ZBTB20: variants seen among roughly 807,000 people sequenced by gnomAD.
The protein encoded by ZBTB20 is zinc finger and BTB domain containing 20.
In ZBTB20, 9 loss-of-function variants were observed where a neutral mutation model predicts 56.9. The observed-to-expected ratio is 0.16, with a 90% CI of 0.10 to 0.28. ZBTB20 has a LOEUF of 0.28. Among genes scored for constraint, ZBTB20 ranks in the 10% least tolerant of loss-of-function variants. The pLI is 1.00. For missense variants in ZBTB20, 655 were observed against 1,003.0 expected (o/e 0.65, Z 4.69); for synonymous variants, 417 against 420.7 (o/e 0.99, Z 0.11).
At chr3:115,003,890 A>G (rs888225455) in intron 2 of ZBTB20, among the ~76,000 whole-genome samples, 4 of 151,706 alleles carry the variant, frequency 2.6e-5, no homozygotes. Flanking sequence ...ATGGATTTTT[A>G]AAAACTCCAA....
rs948048439 is a variant in ZBTB20, at chr3:114,322,297, T to G, written c.*16708A>C. 2.6e-5 allele frequency: 4 copies of G among 152,216 alleles called. No homozygotes were observed. Among genetic ancestry groups the G allele is most frequent in the Admixed American group, 2.6e-4 (4 of 15,284 alleles). The allele number at this position is 152,216 out of a possible 1,614,324, so 9.4% of individuals were successfully genotyped here. A position where few individuals can be genotyped will look rare whatever the true frequency, so the allele number is the denominator to read the frequency against. Reference sequence around the variant, plus strand: ...AAGTAGTGTTGTTTATTTTTTTCTATTTTTTAAACCTCTGATCAAATCCAA... The same window carrying G: ...AAGTAGTGTTGTTTATTTTTTTCTAGTTTTTAAACCTCTGATCAAATCCAA... On this transcript the variant is annotated 3_prime_UTR_variant, in exon 12 of 12. Transcript: ENST00000675478.
At chr3:114,637,734 A>T (rs1560070343) in intron 6 of ZBTB20, among the ~76,000 whole-genome samples, 1 of 152,114 alleles carries the variant, frequency 6.6e-6, no homozygotes, top group Non-Finnish European at 1.5e-5. Flanking sequence ...TCCTATCTTC[A>T]AAGAATAAAG....
chr3:114,856,455 G>C (rs1020344449), intron 4 of ZBTB20, among the ~76,000 whole-genome samples: 1 of 151,950 alleles, frequency 6.6e-6, no homozygotes, highest in Non-Finnish European at 1.5e-5. Context: ...TCTTGTTTAG[G>C]GGTACAACAG....
intron 1 of ZBTB20, among the ~76,000 whole-genome samples, chr3:115,082,552 T>G (rs962061897): frequency 6.6e-6 from 1 of 152,030 alleles, no homozygotes; most frequent in Admixed American, 6.6e-5. Flanking sequence ...AGTAAACATA[T>G]GGACAAACGG....
intron 5 of ZBTB20, among the ~76,000 whole-genome samples, chr3:114,727,315 C>A (rs1038809864): frequency 6.6e-6 from 1 of 152,190 alleles, no homozygotes; most frequent in Admixed American, 6.5e-5. Flanking sequence ...TTCCAAAAAG[C>A]CTCTGTCAGT....
At chr3:115,119,938 G>A (rs1043941602) in intron 1 of ZBTB20, among the ~76,000 whole-genome samples, 21 of 151,904 alleles carry the variant, frequency 1.4e-4, no homozygotes, top group Admixed American at 1.1e-3. Context: ...GCTACATACT[G>A]TATGATTACA....
intron 1 of ZBTB20, among the ~76,000 whole-genome samples, chr3:115,132,786 C>A (rs4682170): frequency 0.34 from 51,242 of 150,240 alleles, 11,371 homozygotes; most frequent in African/African-American, 0.62. Context: ...CAAAAAAAAA[C>A]CCCCAAAATT....
At chr3:115,047,419 T>C (rs2081373190) in intron 2 of ZBTB20, among the ~76,000 whole-genome samples, 1 of 152,228 alleles carries the variant, frequency 6.6e-6, no homozygotes. Context: ...AAGCTGATTG[T>C]ACGAAATCCT....
rs79817212 is a variant in ZBTB20 at position 115,113,725 on chromosome 3, C to A, written c.-703+33494G>T. Among the ~76,000 whole-genome samples the A allele has an allele frequency of 3.4e-3, 521 of 152,302 alleles. 3 individuals are homozygous for A. Among genetic ancestry groups the A allele is most frequent in the Admixed American group, 5.9e-3 (90 of 15,300 alleles). On this transcript the variant is annotated intron_variant, in intron 1 of 11. Transcript: ENST00000675478. ...TGCGGACACCTGGCTTCCTACAGTGCAGTGAGATTGGTGATTCCAACAGCC... is the reference window on the plus strand; with the variant it reads ...TGCGGACACCTGGCTTCCTACAGTGAAGTGAGATTGGTGATTCCAACAGCC...
At position 114,511,809 on chromosome 3, in the gene ZBTB20, T is replaced by C. The variant is rs139816011; in HGVS notation, c.-294-11418A>G. The stretch of plus-strand genomic sequence containing the variant: ...AGGTAAGGCTGCCAACTGGGGTAAA[T>C]TGATGGATAAAACTAGCTCAATAGG... On this transcript the variant is annotated intron_variant, in intron 6 of 11. Transcript: ENST00000675478. 4.6e-5 allele frequency among the ~76,000 whole-genome samples: 7 copies of C among 152,164 alleles called. No individual in the cohort carries two copies. The East Asian group carries it at 7.7e-4, about 17-fold the overall frequency.
At chr3:114,906,771 A>C (rs2075334987) in intron 3 of ZBTB20, among the ~76,000 whole-genome samples, 1 of 151,732 alleles carries the variant, frequency 6.6e-6, no homozygotes, top group Admixed American at 6.6e-5. Flanking sequence ...TTTAGGTAGG[A>C]AAACATAGAT....
chr3:114,974,657 T>C (rs1337194010), intron 2 of ZBTB20, among the ~76,000 whole-genome samples: 1 of 152,190 alleles, frequency 6.6e-6, no homozygotes, highest in Non-Finnish European at 1.5e-5. Flanking sequence ...GTGTTTGCTA[T>C]AGTATCATAA....
At chr3:114,438,490 A>C (rs1355012215) in intron 7 of ZBTB20, among the ~76,000 whole-genome samples, 1 of 152,142 alleles carries the variant, frequency 6.6e-6, no homozygotes, top group African/African-American at 2.4e-5. Context: ...TCTGATTACA[A>C]AACAAGATCA....
intron 6 of ZBTB20, among the ~76,000 whole-genome samples, chr3:114,649,872 C>A (rs997080734): frequency 6.6e-6 from 1 of 151,784 alleles, no homozygotes; most frequent in Non-Finnish European, 1.5e-5. Flanking sequence ...ATAAGAACAA[C>A]AGCAATAATA....
At chr3:114,423,321 A>G (rs933571587) in intron 7 of ZBTB20, among the ~76,000 whole-genome samples, 2 of 152,230 alleles carry the variant, frequency 1.3e-5, no homozygotes, top group African/African-American at 2.4e-5. Context: ...CTCAGCTCTC[A>G]TAGACTTAAC....
At chr3:114,396,004 ACACACACC>A (rs1273273716) in intron 7 of ZBTB20, among the ~76,000 whole-genome samples, 1 of 152,114 alleles carries the variant, frequency 6.6e-6, no homozygotes, top group African/African-American at 2.4e-5. Flanking sequence ...ACATGTAAAC[ACACACACC>A]CACACACCCA....
rs996499145 is a variant in ZBTB20, at chr3:114,335,559, G to C, written c.*3446C>G. The C allele has an allele frequency of 6.6e-6, 1 of 152,034 alleles. No individual in the cohort carries two copies. Among genetic ancestry groups the C allele is most frequent in the Admixed American group, 6.5e-5 (1 of 15,270 alleles). 9.4% of individuals were successfully genotyped at this position (152,034 alleles called of 1,614,324 possible). A position where few individuals can be genotyped will look rare whatever the true frequency, so the allele number is the denominator to read the frequency against. ...CAGTTTGGAAAGTGGCCATTTGATG[G>C]GCCAGGAACATAGCAATAAACAACT... On this transcript the variant is annotated 3_prime_UTR_variant, in exon 12 of 12. Transcript: ENST00000675478.
intron 5 of ZBTB20, among the ~76,000 whole-genome samples, chr3:114,750,132 A>G (rs550675975): frequency 1.5e-3 from 230 of 152,340 alleles, no homozygotes; most frequent in African/African-American, 4.6e-3. Context: ...GGTTCATAAA[A>G]TAAGTCTTGC....
At chr3:114,829,963 A>T (rs1354270050) in intron 4 of ZBTB20, among the ~76,000 whole-genome samples, 1 of 151,940 alleles carries the variant, frequency 6.6e-6, no homozygotes, top group African/African-American at 2.4e-5. Flanking sequence ...TTCAAGTCAG[A>T]CAGCATTCCT....
Sources: gnomAD v4.1 joint callset for allele counts (sites outside exome capture counted in the v4.1 genomes callset) on GRCh38, gnomAD v4.1.1 for gene constraint, MANE v1.5 for transcripts, NCBI Gene and HGNC (gene_info 2026-07-23, HGNC 2026-07-21) for gene names.